BMP2K: variants seen among roughly 807,000 people sequenced by gnomAD.
BMP2K encodes BMP2 inducible kinase, also known as BMP-2-inducible protein kinase.
In BMP2K, 74 loss-of-function variants were observed where a neutral mutation model predicts 116.0. That is an observed-to-expected ratio of 0.64 (90% confidence interval 0.53 to 0.77). BMP2K has a LOEUF of 0.77. Among genes scored for constraint, BMP2K ranks in the 30% least tolerant of loss-of-function variants. The pLI, the probability that BMP2K is intolerant of heterozygous loss-of-function variation, is 0.00. For missense variants in BMP2K, 1,365 were observed against 1,403.6 expected (o/e 0.97, Z 0.44); for synonymous variants, 486 against 502.5 (o/e 0.97, Z 0.44).
chr4:78,898,950 T>C (rs1733853994), intron 15 of BMP2K: 1 of 152,194 alleles, frequency 6.6e-6, no homozygotes, highest in African/African-American at 2.4e-5. Flanking sequence ...CAATGCACTA[T>C]GCTGATCCTG....
chr4:78,818,782 G>A (rs1351009853), intron 1 of BMP2K, among the ~76,000 whole-genome samples: 1 of 150,362 alleles, frequency 6.7e-6, no homozygotes, highest in Non-Finnish European at 1.5e-5. Flanking sequence ...TTCGTAAGAT[G>A]AAGCAGTGTT....
chr4:78,911,739 C>T lies in BMP2K; in HGVS notation c.3192C>T (p.Ser1064=). 1 of 1,613,942 alleles carries T rather than the reference C, an allele frequency of 6.2e-7. No individual in the cohort carries two copies. ...GGAATGTCTTACAACCTGAGGAGAG[C>T]CTGTTGGACCCCTTCGGTGCCAAGC... ...DRGNVLQPEE[S]LLDPFGAKPF... Residue 1064 remains serine, a synonymous_variant, in exon 16 of 16, where the codon AGC becomes AGT. Coordinates refer to ENST00000502613, the MANE Select transcript of BMP2K (RefSeq NM_198892.2).
At position 78,879,627 on chromosome 4, in the gene BMP2K, TTG is replaced by T. The variant is rs36091562; in HGVS notation, c.1951+755_1951+756del. 280 of 163,420 alleles carry T rather than the reference TTG, an allele frequency of 1.7e-3. 1 individual carries two copies. Among genetic ancestry groups the T allele is most frequent in the Admixed American group, 4.6e-3 (69 of 15,044 alleles). The allele number at this position is 163,420 out of a possible 1,614,324, so 10.1% of individuals were successfully genotyped here. A position where few individuals can be genotyped will look rare whatever the true frequency, so the allele number is the denominator to read the frequency against. ...AGATAATTTTCAGGTTTCTGAGGCT[TTG>T]TGTGTGTGTGTGTGTGTGCACGCGC... On this transcript the variant is annotated intron_variant, in intron 14 of 15. Transcript: ENST00000502613.
chr4:78,795,537 T>G (rs912320669), intron 1 of BMP2K, among the ~76,000 whole-genome samples: 1 of 151,926 alleles, frequency 6.6e-6, no homozygotes, highest in African/African-American at 2.4e-5. Context: ...AATTGACAAA[T>G]GGGATCTAAT....
intron 2 of BMP2K, among the ~76,000 whole-genome samples, chr4:78,832,717 A>T (rs1056028349): frequency 3.9e-5 from 6 of 152,068 alleles, no homozygotes; most frequent in Non-Finnish European, 8.8e-5. Flanking sequence ...CAGCACACTC[A>T]AATCTTGTGC....
chr4:78,886,333 T>A (rs1223842651), intron 14 of BMP2K, among the ~76,000 whole-genome samples: 1 of 152,220 alleles, frequency 6.6e-6, no homozygotes, highest in Non-Finnish European at 1.5e-5. Context: ...TTTTCTTACC[T>A]AGTAACTAAT....
intron 2 of BMP2K, among the ~76,000 whole-genome samples, chr4:78,827,820 A>T (rs915509996): frequency 1.3e-5 from 2 of 152,206 alleles, no homozygotes; most frequent in Non-Finnish European, 2.9e-5. Context: ...CACCTTGCTG[A>T]TACGTTTTTA....
At chr4:78,778,935 A>AT (rs1727375660) in intron 1 of BMP2K, among the ~76,000 whole-genome samples, 1 of 152,142 alleles carries the variant, frequency 6.6e-6, no homozygotes, top group Non-Finnish European at 1.5e-5. Flanking sequence ...TAGATTTTGC[A>AT]TTTTTTGTTT....
intron 15 of BMP2K, among the ~76,000 whole-genome samples, chr4:78,895,330 G>A (rs901357298): frequency 6.6e-6 from 1 of 152,118 alleles, no homozygotes; most frequent in Non-Finnish European, 1.5e-5. Context: ...TAGGGTTTAA[G>A]GTACAGATTT....
At chr4:78,840,495 A>C (rs919084520) in intron 3 of BMP2K, among the ~76,000 whole-genome samples, 27 of 152,008 alleles carry the variant, frequency 1.8e-4, no homozygotes, top group African/African-American at 9.7e-5. Context: ...CATTTTAGTG[A>C]GCTCTCTTTA....
In BMP2K at chr4:78,802,513, A is replaced by T. The variant is rs78343383; in HGVS notation, c.179-23524A>T. ...TGTTTTTATACCTAAATAAGAAATTATTTTCTACCTTGAAGTTATACATAC... is the reference window on the plus strand; with the variant it reads ...TGTTTTTATACCTAAATAAGAAATTTTTTTCTACCTTGAAGTTATACATAC... On this transcript the variant is annotated intron_variant, in intron 1 of 15. Coordinates refer to ENST00000502613, the MANE Select transcript of BMP2K (RefSeq NM_198892.2). Among the ~76,000 whole-genome samples the T allele has an allele frequency of 5.0e-4, 76 of 152,254 alleles. 1 individual carries two copies. In the East Asian group the frequency reaches 0.013, roughly 27 times the overall value.
chr4:78,838,742 C>T (rs1397752370), intron 3 of BMP2K, among the ~76,000 whole-genome samples: 1 of 152,154 alleles, frequency 6.6e-6, no homozygotes, highest in African/African-American at 2.4e-5. Flanking sequence ...GAGAGTAAAA[C>T]AATATGTTAT....
chr4:78,844,769 T>G (rs1256529147), intron 4 of BMP2K, among the ~76,000 whole-genome samples, 159 bp from the exon 5 acceptor site: 2 of 151,658 alleles, frequency 1.3e-5, no homozygotes, highest in Non-Finnish European at 3.0e-5. Flanking sequence ...TGTATATATA[T>G]GGCACATGTA....
chr4:78,876,587 G>C (rs953383049), intron 13 of BMP2K, among the ~76,000 whole-genome samples: 6 of 152,140 alleles, frequency 3.9e-5, no homozygotes, highest in Non-Finnish European at 8.8e-5. Context: ...TCTAAGACCT[G>C]TTTGGTGGCA....
intron 6 of BMP2K, among the ~76,000 whole-genome samples, chr4:78,848,761 C>T (rs1273753935): frequency 1.3e-5 from 2 of 150,352 alleles, no homozygotes; most frequent in Non-Finnish European, 1.5e-5. Flanking sequence ...AGTAGAGATT[C>T]TGTGATGGAA....
chr4:78,874,175 TCA>T (rs148882911), intron 13 of BMP2K, among the ~76,000 whole-genome samples: 11,522 of 148,170 alleles, frequency 0.078, 1,441 homozygotes, highest in African/African-American at 0.27. Context: ...AGACTCCATC[TCA>T]CACACACACA....
At chr4:78,846,265 C>T (rs937403970) in intron 5 of BMP2K, among the ~76,000 whole-genome samples, 13 of 151,542 alleles carry the variant, frequency 8.6e-5, no homozygotes, top group African/African-American at 3.1e-4. Flanking sequence ...TAAGGGCCAA[C>T]ACTTTTTTGA....
chr4:78,822,478 T>A (rs1729668434), intron 1 of BMP2K, among the ~76,000 whole-genome samples: 1 of 152,148 alleles, frequency 6.6e-6, no homozygotes, highest in Non-Finnish European at 1.5e-5. Flanking sequence ...CTTATTTACT[T>A]TTATAAATAC....
At chr4:78,844,568 T>G (rs1730908017) in intron 4 of BMP2K, among the ~76,000 whole-genome samples, 1 of 151,618 alleles carries the variant, frequency 6.6e-6, no homozygotes, top group Non-Finnish European at 1.5e-5. Flanking sequence ...TTCTCTTTTA[T>G]AAAAACAGTT....
Sources: allele counts gnomAD v4.1 joint callset (sites outside exome capture counted in the v4.1 genomes callset), GRCh38; gene constraint gnomAD v4.1.1; transcripts MANE v1.5; gene names NCBI Gene and HGNC (gene_info 2026-07-23, HGNC 2026-07-21).